CFAP221: variants seen among roughly 807,000 people sequenced by gnomAD.
The protein encoded by CFAP221 is cilia and flagella associated protein 221.
Under a neutral mutation model 113.1 loss-of-function variants are expected in CFAP221, and 97 were observed. That is an observed-to-expected ratio of 0.86 (90% confidence interval 0.73 to 1.02). CFAP221 has a LOEUF of 1.02. CFAP221 is among the 50% of genes least tolerant of loss of function. The pLI, the probability that CFAP221 is intolerant of heterozygous loss-of-function variation, is 0.00. For missense variants in CFAP221, 1,025 were observed against 1,013.4 expected (o/e 1.01, Z -0.16); for synonymous variants, 331 against 354.4 (o/e 0.93, Z 0.74).
At chr2:119,571,886 T>G (rs575113478) in intron 6 of CFAP221, among the ~76,000 whole-genome samples, 1 of 152,356 alleles carries the variant, frequency 6.6e-6, no homozygotes, top group South Asian at 2.1e-4. Context: ...TAGAATCAAT[T>G]GGGACAGAAT....
At chr2:119,646,795 G>A (rs1400356172) in intron 21 of CFAP221, among the ~76,000 whole-genome samples, 163 bp from the exon 22 acceptor site, 1 of 152,192 alleles carries the variant, frequency 6.6e-6, no homozygotes, top group African/African-American at 2.4e-5. Flanking sequence ...TGCATCCCCT[G>A]CCTTTGCCTC....
rs186308016 is a variant in CFAP221, at chr2:119,638,461, C to A, written c.2133+44C>A. On this transcript the variant is annotated intron_variant, in intron 20 of 23. Coordinates refer to ENST00000413369, the MANE Select transcript of CFAP221 (RefSeq NM_001271049.2). ...TCACTGGCAGAGTGACCCTGGGCTG[C>A]AGGGAGGGGCAGGGGACAAGGACAG... 1.6e-4 allele frequency: 255 copies of A among 1,605,340 alleles called. 1 individual carries two copies. In the East Asian group the frequency reaches 5.1e-3, roughly 32 times the overall value.
intron 1 of CFAP221, chr2:119,545,051 A>AGAGGGGAGGGGAGGGGAGGG: frequency 6.9e-6 from 1 of 144,842 alleles, no homozygotes; most frequent in African/African-American, 2.6e-5. Context: ...GGAGGGGAGA[A>AGAGGGGAGGGGAGGGGAGGG]GAGGGGAGGG....
At chr2:119,549,215 C>G (rs1156990920) in intron 3 of CFAP221, 30 bp downstream of exon 3, 1 of 1,435,484 alleles carries the variant, frequency 7.0e-7, no homozygotes, top group African/African-American at 1.4e-5. Flanking sequence ...GATAATTAAT[C>G]ATCATAATGA....
At chr2:119,620,108 C>T (rs575989455) in intron 14 of CFAP221, among the ~76,000 whole-genome samples, 49 of 152,246 alleles carry the variant, frequency 3.2e-4, no homozygotes, top group Admixed American at 7.2e-4. Flanking sequence ...ACCAAACCTA[C>T]GTTTGACTGG....
At position 119,604,736 on chromosome 2, in the gene CFAP221, A is replaced by G. The variant is rs762343791; in HGVS notation, c.856A>G (p.Met286Val). The G allele has an allele frequency of 8.3e-5, 128 of 1,550,824 alleles. No individual in the cohort carries two copies. The highest frequency in any genetic ancestry group is 1.1e-4 in the Non-Finnish European group (125 of 1,153,588). Residue 286 changes from methionine to valine, a missense_variant, in exon 9 of 24, where the codon ATG (methionine) becomes GTG (valine). By Grantham distance (21) the Met-to-Val change is conservative (BLOSUM62 1). Coordinates refer to ENST00000413369, the MANE Select transcript of CFAP221 (RefSeq NM_001271049.2). ...KKVNVPPEKA[M>V]MHINFHRPPA... ...AGTAAACGTTCCTCCAGAAAAAGCAATGATGCATATAAATTTTCACCGACC... is the reference window on the plus strand; with the variant it reads ...AGTAAACGTTCCTCCAGAAAAAGCAGTGATGCATATAAATTTTCACCGACC...
intron 6 of CFAP221, among the ~76,000 whole-genome samples, chr2:119,585,796 C>G (rs186821515): frequency 6.6e-6 from 1 of 152,326 alleles, no homozygotes; most frequent in African/African-American, 2.4e-5. Context: ...ATGCGACACT[C>G]TGGGATACAC....
At chr2:119,570,211 G>T (rs1681943703) in intron 6 of CFAP221, among the ~76,000 whole-genome samples, 1 of 152,296 alleles carries the variant, frequency 6.6e-6, no homozygotes, top group Middle Eastern at 3.4e-3. Flanking sequence ...AACTTCACAA[G>T]TACTTCTTAG....
At chr2:119,557,122 G>C (rs1177535597) in intron 3 of CFAP221, 1 of 152,212 alleles carries the variant, frequency 6.6e-6, no homozygotes, top group South Asian at 2.1e-4. Flanking sequence ...TCTCTGTTCT[G>C]GTCTTCTGCC....
chr2:119,564,801 T>C (rs1353917126), intron 6 of CFAP221, among the ~76,000 whole-genome samples: 1 of 152,144 alleles, frequency 6.6e-6, no homozygotes, highest in African/African-American at 2.4e-5. Flanking sequence ...TCCACTATTT[T>C]GTTTTGTTTT....
chr2:119,571,288 C>T (rs139257032), intron 6 of CFAP221, among the ~76,000 whole-genome samples: 2,357 of 151,460 alleles, frequency 0.016, 35 homozygotes, highest in Middle Eastern at 0.031. Flanking sequence ...TACAGGTGTG[C>T]GACACCACAC....
At chr2:119,616,254 T>G (rs1685519286) in intron 14 of CFAP221, among the ~76,000 whole-genome samples, 1 of 152,222 alleles carries the variant, frequency 6.6e-6, no homozygotes, top group Non-Finnish European at 1.5e-5. Context: ...TTCCTAGGCT[T>G]GTACATATTT....
chr2:119,648,196 C>T (rs148340054), intron 22 of CFAP221, among the ~76,000 whole-genome samples: 9 of 152,278 alleles, frequency 5.9e-5, no homozygotes, highest in Admixed American at 2.0e-4. Context: ...ACCCCTAGCC[C>T]GCTATCTGAC....
chr2:119,642,663 C>T (rs1157441218), intron 21 of CFAP221, among the ~76,000 whole-genome samples: 1 of 150,130 alleles, frequency 6.7e-6, no homozygotes, highest in Non-Finnish European at 1.5e-5. Flanking sequence ...CTCAACCTCC[C>T]AAGTAGCTGG....
intron 11 of CFAP221, among the ~76,000 whole-genome samples, chr2:119,607,447 A>G (rs1684851454): frequency 6.6e-6 from 1 of 152,026 alleles, no homozygotes; most frequent in African/African-American, 2.4e-5. Context: ...AAAAATCATA[A>G]CTATTATTTA....
downstream of CFAP221, among the ~76,000 whole-genome samples, chr2:119,659,460 C>T (rs1029018422): frequency 3.1e-4 from 8 of 26,174 alleles, no homozygotes; most frequent in Non-Finnish European, 9.5e-4. Context: ...TGGAACATTA[C>T]GATGGCTCTA....
rs761984692 is a variant in CFAP221 at position 119,559,972 on chromosome 2, A to G, written c.372A>G (p.Thr124=). ...VPGLSLTVTV[T]FSPDEWRYYY... is the part of the protein sequence containing the mutation. ...GCTTGTCCCTCACGGTCACCGTTAC[A>G]TTTTCTCCAGATGAGTGGCGATACT... Residue 124 remains threonine, a synonymous_variant, in exon 5 of 24, where the codon ACA becomes ACG. Coordinates refer to ENST00000413369, the MANE Select transcript of CFAP221 (RefSeq NM_001271049.2). 1.7e-5 allele frequency: 26 copies of G among 1,528,468 alleles called. No homozygotes were observed. The East Asian group carries it at 6.4e-4, about 38-fold the overall frequency. The allele number at this position is 1,528,468 out of a possible 1,614,324, so 94.7% of individuals were successfully genotyped here.
In CFAP221 at chr2:119,627,683, G is replaced by A. The variant is rs544476023; in HGVS notation, c.1547G>A (p.Arg516Gln). 1.5e-4 allele frequency: 238 copies of A among 1,613,266 alleles called. No individual in the cohort carries two copies. The Admixed American group carries it at 2.7e-3, about 18-fold the overall frequency. The change falls in exon 16 of 24, where the codon CGG (arginine) becomes CAG (glutamine). Residue 516 changes from arginine to glutamine, a missense_variant. By Grantham distance (43) the Arg-to-Gln change is conservative. Coordinates refer to ENST00000413369, the MANE Select transcript of CFAP221 (RefSeq NM_001271049.2). The part of the protein sequence containing the change: ...EANFFKFFLR[R>Q]ISQDDYTSRF... ...AATTTCTTCAAATTCTTCCTGAGGC[G>A]GATCAGTCAGGATGATTATACCAGC... is the stretch of plus-strand genomic sequence containing the variant.
intron 6 of CFAP221, among the ~76,000 whole-genome samples, chr2:119,563,879 G>T (rs567561095): frequency 1.3e-5 from 2 of 152,178 alleles, no homozygotes; most frequent in Admixed American, 6.5e-5. Flanking sequence ...GGATGGCACC[G>T]CAGGCAGAGA....
Sources: allele counts gnomAD v4.1 joint callset (sites outside exome capture counted in the v4.1 genomes callset), GRCh38; gene constraint gnomAD v4.1.1; transcripts MANE v1.5; gene names NCBI Gene and HGNC (gene_info 2026-07-23, HGNC 2026-07-21).